CASZ1: variants seen among roughly 807,000 people sequenced by gnomAD.
CASZ1 encodes zinc finger protein castor homolog 1.
In CASZ1, 28 loss-of-function variants were observed where a neutral mutation model predicts 135.2. The observed-to-expected ratio is 0.21, with a 90% CI of 0.15 to 0.28. CASZ1 has a LOEUF of 0.28. Among genes scored for constraint, CASZ1 ranks in the 10% least tolerant of loss-of-function variants. The pLI, the probability that CASZ1 is intolerant of heterozygous loss-of-function variation, is 1.00. For missense variants in CASZ1, 2,161 were observed against 2,453.3 expected, an observed-to-expected ratio of 0.88 and a Z score of 2.52; for synonymous variants, 1,068 against 1,073.4, an observed-to-expected ratio of 0.99 and a Z score of 0.10.
At chr1:10,649,682 C>T (rs1333681930) in intron 13 of CASZ1, 17 of 481,752 alleles carry the variant, frequency 3.5e-5, no homozygotes, top group Non-Finnish European at 5.5e-5. Context: ...GAGCCCGTGC[C>T]GCGGGATCCA....
intron 4 of CASZ1, among the ~76,000 whole-genome samples, chr1:10,675,223 G>A (rs1342917447): frequency 6.6e-6 from 1 of 152,216 alleles, no homozygotes; most frequent in Non-Finnish European, 1.5e-5. Flanking sequence ...GATGTTTGGG[G>A]AGTCGTAGCG....
rs554245962 is a variant in CASZ1, at chr1:10,762,541, C to T, written c.-233-1684G>A. ...CAGAATCCCCCAAAGCCCTGGGCAG[C>T]CCGTCCACCCACAAAACTCCCCTGG... On this transcript the variant is annotated intron_variant, in intron 1 of 20. Coordinates refer to ENST00000377022, the MANE Select transcript of CASZ1 (RefSeq NM_001079843.3). The surrounding 1 kb of genome is among the most constrained non-coding windows in gnomAD (Gnocchi z 4.1). 1.3e-5 allele frequency among the ~76,000 whole-genome samples: 2 copies of T among 152,258 alleles called. No individual in the cohort carries two copies. The highest frequency in any genetic ancestry group is 4.8e-5 in the African/African-American group (2 of 41,548).
intron 2 of CASZ1, among the ~76,000 whole-genome samples, chr1:10,722,164 C>T (rs764303202): frequency 5.3e-5 from 8 of 152,226 alleles, no homozygotes; most frequent in Non-Finnish European, 2.9e-5. Context: ...CTCCCCTGAG[C>T]GGCTCAGGAG....
chr1:10,641,043 A>G (rs1163940331), intron 20 of CASZ1, among the ~76,000 whole-genome samples: 1 of 152,192 alleles, frequency 6.6e-6, no homozygotes, highest in African/African-American at 2.4e-5. Flanking sequence ...CTCCTCCCAC[A>G]CGGCTGACCT....
rs1353371359 is a variant in CASZ1 at position 10,757,514 on chromosome 1, G to T, written c.-77+3187C>A. Among the ~76,000 whole-genome samples the T allele has an allele frequency of 6.6e-6, 1 of 152,178 alleles. No individual in the cohort carries two copies. The highest frequency in any genetic ancestry group is 2.4e-5 in the African/African-American group (1 of 41,446). On this transcript the variant is annotated intron_variant, in intron 2 of 20. Transcript: ENST00000377022. This position sits in a 1 kb window ranked among gnomAD's most constrained non-coding sequence, Gnocchi z 4.6. ...TTTTTAAAACAAACATTGGCTGGGT[G>T]CAGTGGCTCATGCCTGTAATCCCAG...
At chr1:10,744,311 G>A (rs1424854763) in intron 2 of CASZ1, among the ~76,000 whole-genome samples, 1 of 152,096 alleles carries the variant, frequency 6.6e-6, no homozygotes, top group Non-Finnish European at 1.5e-5. Flanking sequence ...ACTTCTTGGG[G>A]GTGGGGTGGG....
At chr1:10,648,754 G>T in intron 15 of CASZ1, 1 of 333,310 alleles carries the variant, frequency 3.0e-6, no homozygotes, top group Non-Finnish European at 5.6e-6. Flanking sequence ...CTCTCCAGCT[G>T]GGCTCTGTGC....
At chr1:10,742,728 A>T (rs746815250) in intron 2 of CASZ1, among the ~76,000 whole-genome samples, 1 of 152,162 alleles carries the variant, frequency 6.6e-6, no homozygotes, top group Non-Finnish European at 1.5e-5. Flanking sequence ...TCATGCCTGT[A>T]ATCTCATCAC....
chr1:10,778,224 C>T (rs756916649), intron 1 of CASZ1, among the ~76,000 whole-genome samples: 2 of 151,864 alleles, frequency 1.3e-5, no homozygotes, highest in African/African-American at 4.8e-5. Context: ...CAATCACAAT[C>T]TCATACACAA....
chr1:10,784,015 C>T (rs982639634), intron 1 of CASZ1, among the ~76,000 whole-genome samples: 6 of 152,176 alleles, frequency 3.9e-5, no homozygotes, highest in Non-Finnish European at 7.3e-5. Flanking sequence ...CCCAGCGAGG[C>T]GGCACTGCTG....
intron 2 of CASZ1, among the ~76,000 whole-genome samples, chr1:10,708,878 G>A (rs1639226758): frequency 6.6e-6 from 1 of 151,462 alleles, no homozygotes. Context: ...GGGGCCTGGT[G>A]GGCTGGGCGC....
chr1:10,655,941 A>T (rs1642775669), intron 8 of CASZ1, 128 bp from the exon 9 acceptor site: 2 of 880,260 alleles, frequency 2.3e-6, no homozygotes, highest in African/African-American at 1.7e-5. Flanking sequence ...CTTGGGGTCA[A>T]GGCAGCCCAG....
At chr1:10,748,354 A>T (rs1640086725) in intron 2 of CASZ1, among the ~76,000 whole-genome samples, 1 of 152,196 alleles carries the variant, frequency 6.6e-6, no homozygotes, top group African/African-American at 2.4e-5. Flanking sequence ...TTTCTCAAAC[A>T]GACGTTAGCG....
In CASZ1 at chr1:10,679,258, G is replaced by C. The variant is rs951237901; in HGVS notation, c.17-13687C>G. 1.2e-4 allele frequency among the ~76,000 whole-genome samples: 18 copies of C among 152,202 alleles called. No homozygotes were observed. The highest frequency in any genetic ancestry group is 4.3e-4 in the African/African-American group (18 of 41,450). ...TGCCAAAGGGCCCCTGCTGCCTCCA[G>C]GACAGAGCCTAGTCCCAAACCTGAG... On this transcript the variant is annotated intron_variant, in intron 4 of 20. Coordinates refer to ENST00000377022, the MANE Select transcript of CASZ1 (RefSeq NM_001079843.3). This position sits in a 1 kb window ranked among gnomAD's most constrained non-coding sequence, Gnocchi z 4.7.
intron 5 of CASZ1, among the ~76,000 whole-genome samples, chr1:10,663,620 C>T (rs1570438533): frequency 6.6e-6 from 1 of 152,218 alleles, no homozygotes; most frequent in Admixed American, 6.5e-5. Flanking sequence ...GCAGCTTGCA[C>T]AGGGAGGGGA....
At chr1:10,761,102 G>T (rs1053927912) in intron 1 of CASZ1, among the ~76,000 whole-genome samples, 4 of 152,262 alleles carry the variant, frequency 2.6e-5, no homozygotes, top group Admixed American at 2.6e-4. Flanking sequence ...CGCAGTTGTT[G>T]TACCTAATAA....
intron 2 of CASZ1, among the ~76,000 whole-genome samples, chr1:10,705,844 G>A (rs535057680): frequency 8.9e-4 from 135 of 152,388 alleles, no homozygotes; most frequent in African/African-American, 2.9e-3. Flanking sequence ...CAGCCGTGCC[G>A]TGCACACTGC....
intron 2 of CASZ1, among the ~76,000 whole-genome samples, chr1:10,743,873 A>G (rs1380103014): frequency 1.6e-5 from 2 of 126,746 alleles, no homozygotes; most frequent in Admixed American, 1.7e-4. Context: ...AGGGAGAGAG[A>G]GAGAGGAGCG....
intron 1 of CASZ1, among the ~76,000 whole-genome samples, chr1:10,784,844 G>T (rs943536514): frequency 6.6e-6 from 1 of 152,164 alleles, no homozygotes; most frequent in Non-Finnish European, 1.5e-5. Flanking sequence ...GGTATTACAA[G>T]CATGAACCAC....
Sources: gnomAD v4.1 joint callset for allele counts (sites outside exome capture counted in the v4.1 genomes callset) on GRCh38, gnomAD v4.1.1 for gene constraint, Gnocchi (gnomAD v3.1) non-coding constraint, MANE v1.5 for transcripts, NCBI Gene and HGNC (gene_info 2026-07-23, HGNC 2026-07-21) for gene names.